The following TRAPPC4 variants were observed in gnomAD, a reference collection of about 807,000 sequenced individuals.
TRAPPC4 encodes TRS23 homolog.
In TRAPPC4, 30 loss-of-function variants were observed where a neutral mutation model predicts 23.5. That is an observed-to-expected ratio of 1.28 (90% CI 0.96 to 1.73). The LOEUF is 1.73. Ranked by LOEUF, TRAPPC4 falls within the 40% of genes most tolerant of loss-of-function variation. TRAPPC4 has a pLI of 0.00. For missense variants in TRAPPC4, 252 were observed against 268.9 expected (o/e 0.94, Z 0.44); for synonymous variants, 129 against 105.3 (o/e 1.23, Z -1.38).
At chr11:119,020,398 G>A in intron 3 of TRAPPC4, 145 bp downstream of exon 3, 1 of 616,392 alleles carries the variant, frequency 1.6e-6, no homozygotes, top group South Asian at 1.9e-5. Flanking sequence ...TGGTAAGCAA[G>A]AAGAGGGGGT....
rs1218093914 is a variant in TRAPPC4, at chr11:119,023,441, A to C, written c.*42A>C. The C allele has an allele frequency of 1.3e-6, 2 of 1,588,734 alleles. No homozygotes were observed. Among genetic ancestry groups the C allele is most frequent in the Admixed American group, 1.7e-5 (1 of 59,908 alleles). On this transcript the variant is annotated 3_prime_UTR_variant, in exon 5 of 5. Coordinates refer to ENST00000533632, the MANE Select transcript of TRAPPC4 (RefSeq NM_016146.6). ...ACCCCCAAATTCTGAGAGTTCCTGC[A>C]ACAAGAATACTGCTGTTGACACTCC...
At chr11:119,020,334 G>T in intron 3 of TRAPPC4, 81 bp downstream of exon 3, 1 of 1,174,986 alleles carries the variant, frequency 8.5e-7, no homozygotes, top group Non-Finnish European at 1.2e-6. Context: ...CTCCAGGTGG[G>T]CCAGAGGAGT....
intron 2 of TRAPPC4, chr11:119,019,664 C>T (rs896517042): frequency 4.0e-6 from 1 of 246,932 alleles, no homozygotes; most frequent in Non-Finnish European, 8.1e-6. Context: ...TGGTCTCAAA[C>T]TCCTGACCTC....
chr11:119,018,877 G>T lies in TRAPPC4; in HGVS notation c.82G>T (p.Ala28Ser). The change falls in exon 1 of 5, where the codon GCT (alanine) becomes TCT (serine). Residue 28 changes from alanine to serine, a missense_variant. Transcript: ENST00000533632. ...GGACAGCTACGCGCCACGGGCTGAGGCTGAGAAAACTTTCAGTTATCCGCT... is the reference window on the plus strand; with the variant it reads ...GGACAGCTACGCGCCACGGGCTGAGTCTGAGAAAACTTTCAGTTATCCGCT... ...QLDSYAPRAE[A>S]EKTFSYPLDL... The T allele has an allele frequency of 6.2e-7, 1 of 1,614,208 alleles. No individual in the cohort carries two copies.
intron 4 of TRAPPC4, among the ~76,000 whole-genome samples, chr11:119,022,581 G>A (rs570073258): frequency 4.0e-5 from 6 of 151,156 alleles, no homozygotes; most frequent in African/African-American, 9.7e-5. Context: ...GAACAAGACC[G>A]TGTCTCTAAA....
At chr11:119,020,836 G>A (rs1943338666) in intron 3 of TRAPPC4, 1 of 151,952 alleles carries the variant, frequency 6.6e-6, no homozygotes, top group Admixed American at 6.6e-5. Flanking sequence ...CTCCCAAGTA[G>A]CTGAGACTAC....
chr11:119,021,944 T>C (rs1313500369), intron 4 of TRAPPC4, 58 bp downstream of exon 4: 1 of 1,598,680 alleles, frequency 6.3e-7, no homozygotes, highest in Non-Finnish European at 8.5e-7. Flanking sequence ...CCCTGTGTGC[T>C]CTGTCCAAAG....
rs888518632 is a variant in TRAPPC4 at position 119,021,903 on chromosome 11, C to T, written c.581+17C>T. On this transcript the variant is annotated intron_variant, in intron 4 of 4. Coordinates refer to ENST00000533632, the MANE Select transcript of TRAPPC4 (RefSeq NM_016146.6). ...GCCTATCAGGTAAGTGGCCCCACTT[C>T]CCAGATACTGTTTAAAGCGTCCTTG... 6 of 1,613,744 alleles carry T rather than the reference C, an allele frequency of 3.7e-6. No individual in the cohort carries two copies. Among genetic ancestry groups the T allele is most frequent in the Admixed American group, 3.3e-5 (2 of 59,982 alleles).
chr11:119,021,636 A>G, intron 3 of TRAPPC4, 124 bp from the exon 4 acceptor site: 1 of 1,075,904 alleles, frequency 9.3e-7, no homozygotes, highest in Non-Finnish European at 1.3e-6. Flanking sequence ...TATGTGGTAA[A>G]AAGAATAAAA....
intron 4 of TRAPPC4, chr11:119,022,957 G>GGTT (rs1943419158): frequency 2.3e-5 from 2 of 85,500 alleles, no homozygotes; most frequent in African/African-American, 4.1e-5. Flanking sequence ...TTTTGTTGAT[G>GGTT]TTTTTTTTTT....
At position 119,019,163 on chromosome 11, in the gene TRAPPC4, A is replaced by G; in HGVS notation, c.196A>G (p.Ile66Val). Residue 66 changes from isoleucine (I) to valine (V), a missense_variant, in exon 2 of 5, where the codon ATC becomes GTC. Around this residue, in one of 3 missense-constraint regions of TRAPPC4, gnomAD observed 222 missense variants for 217.8 expected, o/e 1.02. Coordinates refer to ENST00000533632, the MANE Select transcript of TRAPPC4 (RefSeq NM_016146.6). ...TGCAGTGGGTCATGCAGTGCTGGCC[A>G]TCAATGGCATGGACGTGAATGGCAG... The part of the protein sequence containing the change: ...GIRVGHAVLA[I>V]NGMDVNGRYT... 3 of 1,614,204 alleles carry G rather than the reference A, an allele frequency of 1.9e-6. No individual in the cohort carries two copies. Among genetic ancestry groups the G allele is most frequent in the Non-Finnish European group, 2.5e-6 (3 of 1,180,028 alleles).
chr11:119,020,359 G>A (rs1404227888), intron 3 of TRAPPC4, 106 bp downstream of exon 3: 1 of 851,480 alleles, frequency 1.2e-6, no homozygotes, highest in Non-Finnish European at 1.9e-6. Context: ...TGGAGAAGGT[G>A]GGAGGAGGGG....
chr11:119,020,330 G>A (rs782469129), intron 3 of TRAPPC4, 77 bp downstream of exon 3: 1 of 1,223,630 alleles, frequency 8.2e-7, no homozygotes, highest in South Asian at 1.3e-5. Flanking sequence ...GCATCTCCAG[G>A]TGGGCCAGAG....
rs1565678845 is a variant in TRAPPC4 at position 119,018,983 on chromosome 11, CG to C, written c.175+16del. ...GACGGCATCCGAGGTGGGCTAGGCT[CG>C]GGCCCGTGGCGGGTGCGGGGGTGGG... On this transcript the variant is annotated intron_variant, in intron 1 of 4. Transcript: ENST00000533632. 1 of 1,608,152 alleles carries C rather than the reference CG, an allele frequency of 6.2e-7. No homozygotes were observed. Among genetic ancestry groups the C allele is most frequent in the South Asian group, 1.1e-5 (1 of 90,990 alleles).
intron 2 of TRAPPC4, 193 bp from the exon 3 acceptor site, chr11:119,019,957 A>G: frequency 2.0e-6 from 1 of 512,266 alleles, no homozygotes; most frequent in Non-Finnish European, 3.5e-6. Context: ...AATGTCTTGT[A>G]ACAAAGTATG....
chr11:119,020,255 T>G lies in TRAPPC4; in HGVS notation c.454+2T>G. The G allele has an allele frequency of 6.2e-7, 1 of 1,610,172 alleles. No homozygotes were observed. The highest frequency in any genetic ancestry group is 1.3e-5 in the African/African-American group (1 of 74,926). ...TGCACTGCTACCAGACACTGACAGG[T>G]ATGCATCTCCACGGAGGCCAGAGGA... On this transcript the variant is annotated splice_donor_variant, in intron 3 of 4. Coordinates refer to ENST00000533632, the MANE Select transcript of TRAPPC4 (RefSeq NM_016146.6). LOFTEE classifies it high-confidence loss of function.
chr11:119,023,445 A>C lies in TRAPPC4; in HGVS notation c.*46A>C. 1 of 1,571,854 alleles carries C rather than the reference A, an allele frequency of 6.4e-7. No homozygotes were observed. The highest frequency in any genetic ancestry group is 8.8e-7 in the Non-Finnish European group (1 of 1,141,742). ...CCAAATTCTGAGAGTTCCTGCAACAAGAATACTGCTGTTGACACTCCAGTG... is the reference window on the plus strand; with the variant it reads ...CCAAATTCTGAGAGTTCCTGCAACACGAATACTGCTGTTGACACTCCAGTG... On this transcript the variant is annotated 3_prime_UTR_variant, in exon 5 of 5. Coordinates refer to ENST00000533632, the MANE Select transcript of TRAPPC4 (RefSeq NM_016146.6).
chr11:119,018,890 T>G lies in TRAPPC4; in HGVS notation c.95T>G (p.Phe32Cys), dbSNP rs782095944. 8 of 1,614,150 alleles carry G rather than the reference T, an allele frequency of 5.0e-6. No homozygotes were observed. The South Asian group carries it at 8.8e-5, about 18-fold the overall frequency. Residue 32 changes from phenylalanine to cysteine, a missense_variant, in exon 1 of 5, where the codon TTC becomes TGC. Around this residue, in one of 3 missense-constraint regions of TRAPPC4, gnomAD observed 222 missense variants for 217.8 expected, o/e 1.02. Coordinates refer to ENST00000533632, the MANE Select transcript of TRAPPC4 (RefSeq NM_016146.6). The stretch of plus-strand genomic sequence containing the variant: ...CCACGGGCTGAGGCTGAGAAAACTT[T>G]CAGTTATCCGCTGGATCTGCTGCTC... ...YAPRAEAEKT[F>C]SYPLDLLLKL...
intron 3 of TRAPPC4, 137 bp downstream of exon 3, chr11:119,020,390 GT>G: frequency 3.1e-6 from 2 of 646,996 alleles, no homozygotes; most frequent in Non-Finnish European, 2.8e-6. Flanking sequence ...GACACCTTTG[GT>G]AAGCAAGAAG....
Sources: gnomAD v4.1 joint callset for allele counts (sites outside exome capture counted in the v4.1 genomes callset) on GRCh38, gnomAD v4.1.1 for gene constraint, gnomAD v4.1.1 regional missense constraint, MANE v1.5 for transcripts, NCBI Gene and HGNC (gene_info 2026-07-23, HGNC 2026-07-21) for gene names.